TIAM2: variants seen among roughly 807,000 people sequenced by gnomAD.
TIAM2 encodes the protein TIAM Rac1 associated GEF 2.
Under a neutral mutation model 152.9 loss-of-function variants are expected in TIAM2, and 80 were observed. The ratio of observed to expected loss-of-function variants is 0.52; its 90% confidence interval spans 0.44 to 0.63. The LOEUF (loss-of-function observed/expected upper bound fraction) is 0.63, where lower values mean the gene tolerates loss of function less well. Among genes scored for constraint, TIAM2 ranks in the 30% least tolerant of loss-of-function variants. The pLI is 0.00. For missense variants in TIAM2, 1,965 were observed against 2,120.1 expected (o/e 0.93, Z 1.44); for synonymous variants, 804 against 838.0 (o/e 0.96, Z 0.70).
intron 16 of TIAM2, among the ~76,000 whole-genome samples, chr6:155,241,923 GC>G (rs1783052772): frequency 6.6e-6 from 1 of 152,186 alleles, no homozygotes; most frequent in African/African-American, 2.4e-5. Context: ...TGGAGCTCTT[GC>G]CCCAAGAGTT....
rs572624615 is a variant in TIAM2, at chr6:155,187,703, C to T, written c.3064+4203C>T. Among the ~76,000 whole-genome samples, 19 of 151,554 alleles carry T rather than the reference C, an allele frequency of 1.3e-4. 1 individual carries two copies. The highest frequency in any genetic ancestry group is 3.9e-4 in the Admixed American group (6 of 15,232). ...AAGGGATTCTCCTGCCTCAGCCTCC[C>T]GAGTAGCTGGGATTACAGGCATGCA... On this transcript the variant is annotated intron_variant, in intron 14 of 26. Transcript: ENST00000682666.
rs144946797 is a variant in TIAM2, at chr6:155,065,165, G to A, written c.-208-25124G>A. On this transcript the variant is annotated intron_variant, in intron 1 of 26. Coordinates refer to ENST00000682666, the MANE Select transcript of TIAM2 (RefSeq NM_012454.4). ...GATGGGGTTTCACCGTGTTGGCCAG[G>A]CTGGTCTCAAACTGCTAACCTCGGG... is the stretch of plus-strand genomic sequence containing the variant. Among the ~76,000 whole-genome samples, 287 of 152,160 alleles carry A rather than the reference G, an allele frequency of 1.9e-3. 2 individuals are homozygous for A. In the East Asian group the frequency reaches 0.032, roughly 17 times the overall value.
At chr6:155,017,924 T>C (rs1261549958) in intron 1 of TIAM2, among the ~76,000 whole-genome samples, 1 of 152,154 alleles carries the variant, frequency 6.6e-6, no homozygotes, top group Non-Finnish European at 1.5e-5. Context: ...GTGAAGCACT[T>C]TGAAATGTGG....
At chr6:155,235,427 C>T (rs1782704506) in intron 15 of TIAM2, among the ~76,000 whole-genome samples, 1 of 152,166 alleles carries the variant, frequency 6.6e-6, no homozygotes, top group African/African-American at 2.4e-5. Context: ...AGGCCTATCA[C>T]CATATATGCA....
chr6:155,185,425 C>G lies in TIAM2; in HGVS notation c.3064+1925C>G, dbSNP rs912960878. Among the ~76,000 whole-genome samples the G allele has an allele frequency of 2.0e-5, 3 of 151,884 alleles. No homozygotes were observed. In the South Asian group the frequency reaches 6.2e-4, roughly 31 times the overall value. On this transcript the variant is annotated intron_variant, in intron 14 of 26. Coordinates refer to ENST00000682666, the MANE Select transcript of TIAM2 (RefSeq NM_012454.4). Reference sequence around the variant, plus strand: ...TACAGGTGTAAGCAACCGCGCCCGGCTGTTTTTCTTTTCTTTTTAAATTTT... The same window carrying G: ...TACAGGTGTAAGCAACCGCGCCCGGGTGTTTTTCTTTTCTTTTTAAATTTT...
chr6:155,068,291 A>G (rs1344906102), intron 1 of TIAM2, among the ~76,000 whole-genome samples: 1 of 152,038 alleles, frequency 6.6e-6, no homozygotes, highest in Non-Finnish European at 1.5e-5. Context: ...CCCACCCTTT[A>G]TGTGCCTGGA....
intron 1 of TIAM2, among the ~76,000 whole-genome samples, chr6:155,080,984 G>T (rs1409660675): frequency 6.6e-6 from 1 of 152,110 alleles, no homozygotes; most frequent in Non-Finnish European, 1.5e-5. Flanking sequence ...CACTTTCTCA[G>T]CTAAGCTCAT....
intron 2 of TIAM2, among the ~76,000 whole-genome samples, chr6:155,125,712 C>T (rs1029796055): frequency 6.6e-6 from 1 of 151,946 alleles, no homozygotes; most frequent in African/African-American, 2.4e-5. Context: ...ATGGTGCGCG[C>T]CTATAATCAC....
chr6:155,139,616 A>G (rs1454772396), intron 5 of TIAM2, among the ~76,000 whole-genome samples: 3 of 152,226 alleles, frequency 2.0e-5, no homozygotes, highest in Non-Finnish European at 4.4e-5. Flanking sequence ...TAGCTACCCA[A>G]GGACAGGATA....
intron 1 of TIAM2, among the ~76,000 whole-genome samples, chr6:155,048,625 G>A (rs12661550): frequency 0.014 from 2,056 of 152,242 alleles, 26 homozygotes; most frequent in East Asian, 0.051. Flanking sequence ...CTGGTGGCTC[G>A]AGGATGAGGA....
intron 1 of TIAM2, among the ~76,000 whole-genome samples, chr6:155,074,379 G>A (rs2114958222): frequency 6.6e-6 from 1 of 151,986 alleles, no homozygotes; most frequent in Non-Finnish European, 1.5e-5. Flanking sequence ...TTGAGGTGGA[G>A]TCTCGCTCAG....
intron 7 of TIAM2, among the ~76,000 whole-genome samples, chr6:155,151,839 CTTTTTTTTTCTTTTTTTTTTT>C (rs1779977356): frequency 3.7e-5 from 3 of 81,424 alleles, no homozygotes; most frequent in African/African-American, 1.1e-4. Context: ...TTTTTTTTTT[CTTTTTTTTTCTTTTTTTTTTT>C]TGAGACAGAG....
chr6:155,245,496 A>G, intron 18 of TIAM2, 127 bp from the exon 19 acceptor site: 2 of 747,530 alleles, frequency 2.7e-6, no homozygotes, highest in South Asian at 3.7e-5. Flanking sequence ...TGGATGGAGC[A>G]GGTTTGAACT....
chr6:155,130,312 C>T lies in TIAM2; in HGVS notation c.1089C>T (p.Pro363=), dbSNP rs1244028565. 1.2e-6 allele frequency: 2 copies of T among 1,614,108 alleles called. No homozygotes were observed. The highest frequency in any genetic ancestry group is 3.3e-5 in the Admixed American group (2 of 60,018). Residue 363 remains proline, a synonymous_variant, in exon 4 of 27, where the codon CCC becomes CCT. Coordinates refer to ENST00000682666, the MANE Select transcript of TIAM2 (RefSeq NM_012454.4). ...YSSFTLPCRK[P]KAFVEDTAKK... is the part of the protein sequence containing the mutation. ...CCTTCACTCTCCCCTGTCGGAAGCC[C>T]AAAGCCTTTGTTGAGGATACTGCGA...
At chr6:155,068,357 A>G (rs919547297) in intron 1 of TIAM2, among the ~76,000 whole-genome samples, 1 of 152,128 alleles carries the variant, frequency 6.6e-6, no homozygotes, top group Non-Finnish European at 1.5e-5. Context: ...ATCAATCTCT[A>G]TAGATGAAAA....
chr6:155,209,733 G>GA (rs1781678254), intron 14 of TIAM2, among the ~76,000 whole-genome samples: 1 of 152,214 alleles, frequency 6.6e-6, no homozygotes, highest in South Asian at 2.1e-4. Flanking sequence ...GGTAATGGAA[G>GA]AAAAAAATTG....
chr6:155,150,868 C>G (rs1248936349), intron 7 of TIAM2, among the ~76,000 whole-genome samples: 1 of 152,108 alleles, frequency 6.6e-6, no homozygotes, highest in Non-Finnish European at 1.5e-5. Flanking sequence ...GACTGTCGTG[C>G]GCAGTGGATT....
rs757834395 is a variant in TIAM2 at position 155,165,331 on chromosome 6, G to T, written c.2283G>T (p.Lys761Asn). Reference sequence around the variant, plus strand: ...CACTGACCCAGCGAGGGAGAAACAAGAAGGGAATATTTTCTTCGTTAAAAG... The same window carrying T: ...CACTGACCCAGCGAGGGAGAAACAATAAGGGAATATTTTCTTCGTTAAAAG... Reference protein sequence around the residue: ...TLSLTQRGRNKKGIFSSLKGL... With the variant: ...TLSLTQRGRNNKGIFSSLKGL... The change falls in exon 9 of 27, where the codon AAG (lysine) becomes AAT (asparagine). Residue 761 changes from lysine to asparagine, a missense_variant. Around this residue, in one of 3 missense-constraint regions of TIAM2, gnomAD observed 1,025 missense variants for 1,119.4 expected, o/e 0.92. Transcript: ENST00000682666. 2 of 1,614,122 alleles carry T rather than the reference G, an allele frequency of 1.2e-6. No homozygotes were observed. Among genetic ancestry groups the T allele is most frequent in the South Asian group, 2.2e-5 (2 of 91,082 alleles).
rs118172348 is a variant in TIAM2 at position 155,110,653 on chromosome 6, G to A, written c.-117-16837G>A. ...TATAGTCACATTCCAATAGAAGACT[G>A]TTTAGGTTTTGTTACTTCTGTGCCT... On this transcript the variant is annotated intron_variant, in intron 2 of 26. Coordinates refer to ENST00000682666, the MANE Select transcript of TIAM2 (RefSeq NM_012454.4). Among the ~76,000 whole-genome samples the A allele has an allele frequency of 7.4e-3, 1,131 of 152,304 alleles. 5 individuals are homozygous for A. The highest frequency in any genetic ancestry group is 0.013 in the Non-Finnish European group (917 of 68,024).
Sources: allele counts gnomAD v4.1 joint callset (sites outside exome capture counted in the v4.1 genomes callset), GRCh38; gene constraint gnomAD v4.1.1; regional missense constraint gnomAD v4.1.1; transcripts MANE v1.5; gene names NCBI Gene and HGNC (gene_info 2026-07-23, HGNC 2026-07-21).